KCNIP1: variants seen among roughly 807,000 people sequenced by gnomAD.
The protein encoded by KCNIP1 is A-type potassium channel modulatory protein KCNIP1.
In KCNIP1, 18 loss-of-function variants were observed where a neutral mutation model predicts 33.0. The observed-to-expected ratio is 0.55, with a 90% CI of 0.38 to 0.81. KCNIP1 has a LOEUF of 0.81. Ranked by LOEUF, KCNIP1 falls within the 30% of genes least tolerant of loss-of-function variation. The pLI is 0.00. For synonymous variants in KCNIP1, 93 were observed against 98.3 expected (o/e 0.95, Z 0.32); for missense variants, 238 against 271.6 (o/e 0.88, Z 0.87).
At chr5:170,673,150 A>G (rs375238847) in intron 1 of KCNIP1, among the ~76,000 whole-genome samples, 3 of 152,362 alleles carry the variant, frequency 2.0e-5, no homozygotes, top group African/African-American at 7.2e-5. Context: ...GAGTTTTAGT[A>G]ATTCATATGT....
chr5:170,668,590 G>GTA (rs1761797384), intron 1 of KCNIP1, among the ~76,000 whole-genome samples: 1 of 152,204 alleles, frequency 6.6e-6, no homozygotes, highest in Non-Finnish European at 1.5e-5. Flanking sequence ...CAGGGGAGGA[G>GTA]CCCAGTACAG....
chr5:170,354,630 G>C (rs1359064430), intron 1 of KCNIP1, among the ~76,000 whole-genome samples: 1 of 152,232 alleles, frequency 6.6e-6, no homozygotes, highest in African/African-American at 2.4e-5. Context: ...GTAACTGTCT[G>C]GGCAGATCAG....
chr5:170,585,950 G>C (rs1431263408), intron 1 of KCNIP1, among the ~76,000 whole-genome samples: 1 of 152,212 alleles, frequency 6.6e-6, no homozygotes, highest in Non-Finnish European at 1.5e-5. Flanking sequence ...CAAGCACATG[G>C]CCTTGGCCCT....
At chr5:170,458,923 G>A (rs1396406067) in intron 1 of KCNIP1, among the ~76,000 whole-genome samples, 1 of 152,084 alleles carries the variant, frequency 6.6e-6, no homozygotes. Flanking sequence ...ATTGCAGAAT[G>A]GCTAAGAATT....
intron 1 of KCNIP1, among the ~76,000 whole-genome samples, chr5:170,661,902 C>T (rs759279438): frequency 1.3e-4 from 20 of 152,254 alleles, no homozygotes; most frequent in Non-Finnish European, 1.2e-4. Context: ...TCTTGGGTCC[C>T]CTCTCAATGT....
intron 1 of KCNIP1, among the ~76,000 whole-genome samples, chr5:170,363,692 T>A (rs1459564036): frequency 6.6e-6 from 1 of 152,238 alleles, no homozygotes; most frequent in Non-Finnish European, 1.5e-5. Context: ...TTCCTATATT[T>A]TTAACTGTGA....
intron 1 of KCNIP1, among the ~76,000 whole-genome samples, chr5:170,706,326 G>A (rs1448713016): frequency 6.6e-6 from 1 of 152,202 alleles, no homozygotes; most frequent in African/African-American, 2.4e-5. Flanking sequence ...AACAGTAGCA[G>A]TAATGTGATA....
chr5:170,368,758 A>G (rs1194299259), intron 1 of KCNIP1, among the ~76,000 whole-genome samples: 3 of 152,188 alleles, frequency 2.0e-5, no homozygotes, highest in Non-Finnish European at 4.4e-5. Context: ...TACACCCCGA[A>G]CTACCAGATT....
intron 1 of KCNIP1, among the ~76,000 whole-genome samples, chr5:170,380,901 T>C (rs1253326664): frequency 2.0e-5 from 3 of 152,190 alleles, no homozygotes; most frequent in Non-Finnish European, 4.4e-5. Context: ...CTAGGAGAAC[T>C]GTCATGGGGA....
chr5:170,733,935 T>G, intron 7 of KCNIP1, 37 bp downstream of exon 7: 4 of 1,579,814 alleles, frequency 2.5e-6, no homozygotes, highest in Non-Finnish European at 3.5e-6. Context: ...ACTCTACATC[T>G]GGGAAAGGAA....
intron 1 of KCNIP1, among the ~76,000 whole-genome samples, chr5:170,388,542 T>C (rs1764580416): frequency 6.6e-6 from 1 of 152,204 alleles, no homozygotes; most frequent in African/African-American, 2.4e-5. Flanking sequence ...ACTTGAGATC[T>C]GGGATAGATT....
chr5:170,451,579 CA>C (rs11365624), intron 1 of KCNIP1, among the ~76,000 whole-genome samples: 75,498 of 143,352 alleles, frequency 0.53, 20,025 homozygotes, highest in African/African-American at 0.72. Flanking sequence ...CCTGAACTTG[CA>C]AAAAAAAAAA....
rs935669054 is a variant in KCNIP1, at chr5:170,489,684, A to G, written c.88+135720A>G. Among the ~76,000 whole-genome samples, 1 of 152,194 alleles carries G rather than the reference A, an allele frequency of 6.6e-6. No individual in the cohort carries two copies. The highest frequency in any genetic ancestry group is 2.4e-5 in the African/African-American group (1 of 41,454). ...TAGCAATCACTCATACTCCTCTCCC[A>G]TGAACAATTTGAGAAAAAATGGAGG... is the stretch of plus-strand genomic sequence containing the variant. On this transcript the variant is annotated intron_variant, in intron 1 of 7. Transcript: ENST00000377360. The surrounding 1 kb of genome is among the most constrained non-coding windows in gnomAD (Gnocchi z 4.3).
intron 1 of KCNIP1, among the ~76,000 whole-genome samples, chr5:170,675,199 T>C (rs1029427406): frequency 6.6e-6 from 1 of 151,760 alleles, no homozygotes; most frequent in African/African-American, 2.4e-5. Flanking sequence ...CTTGGGAGGC[T>C]AAGGTGGGGG....
intron 1 of KCNIP1, among the ~76,000 whole-genome samples, chr5:170,444,412 G>A (rs1244249543): frequency 6.6e-6 from 1 of 152,102 alleles, no homozygotes; most frequent in Non-Finnish European, 1.5e-5. Flanking sequence ...TCAAGACCCA[G>A]AGGATTCCAC....
At chr5:170,718,966 G>T (rs1763725797) in intron 2 of KCNIP1, 84 bp downstream of exon 2, 1 of 1,536,570 alleles carries the variant, frequency 6.5e-7, no homozygotes, top group Admixed American at 2.3e-5. Flanking sequence ...AGCTCATAAG[G>T]CGTTTCCCAT....
At chr5:170,518,769 A>G (rs1480078030) in intron 1 of KCNIP1, among the ~76,000 whole-genome samples, 2 of 152,174 alleles carry the variant, frequency 1.3e-5, no homozygotes, top group African/African-American at 4.8e-5. Context: ...CCTCAGAGGT[A>G]GGGTCTGTTC....
intron 1 of KCNIP1, among the ~76,000 whole-genome samples, chr5:170,674,181 A>AAGGAAGGAAGGAAGGGAGGG (rs1318322718): frequency 5.2e-5 from 2 of 38,464 alleles, no homozygotes; most frequent in African/African-American, 9.8e-5. Flanking sequence ...GGAAGGAAGG[A>AAGGAAGGAAGGAAGGGAGGG]AGGGAGGGAG....
At chr5:170,402,683 G>T (rs935744287) in intron 1 of KCNIP1, among the ~76,000 whole-genome samples, 1 of 152,164 alleles carries the variant, frequency 6.6e-6, no homozygotes, top group Non-Finnish European at 1.5e-5. Flanking sequence ...CTAGTCATGT[G>T]GTCTGCCCAG....
Sources: allele counts gnomAD v4.1 joint callset (sites outside exome capture counted in the v4.1 genomes callset), GRCh38; gene constraint gnomAD v4.1.1; non-coding constraint Gnocchi (gnomAD v3.1); transcripts MANE v1.5; gene names NCBI Gene and HGNC (gene_info 2026-07-23, HGNC 2026-07-21).